PPP2R3B: variants seen among roughly 807,000 people sequenced by gnomAD.
PPP2R3B encodes the protein protein phosphatase 2 regulatory subunit B''beta.
Under a neutral mutation model 72.9 loss-of-function variants are expected in PPP2R3B, and 68 were observed. The observed-to-expected ratio is 0.93, with a 90% CI of 0.77 to 1.14. The LOEUF (loss-of-function observed/expected upper bound fraction) is 1.14. PPP2R3B is among the 50% of genes most tolerant of loss of function. The pLI is 0.00. For synonymous variants in PPP2R3B, 466 were observed against 375.8 expected (o/e 1.24, Z -2.78); for missense variants, 1,018 against 842.0 (o/e 1.21, Z -2.59).
rs2072260825 is a variant in PPP2R3B at position 386,638 on chromosome X, C to T, written c.54G>A (p.Leu18=). 2 of 1,430,392 alleles carry T rather than the reference C, an allele frequency of 1.4e-6. No homozygotes were observed. The highest frequency in any genetic ancestry group is 1.8e-6 in the Non-Finnish European group (2 of 1,092,174). 88.6% of individuals were successfully genotyped at this position (1,430,392 alleles called of 1,614,324 possible). Residue 18 remains leucine, a synonymous_variant, in exon 1 of 13, where the codon CTG becomes CTA. Coordinates refer to ENST00000390665, the MANE Select transcript of PPP2R3B (RefSeq NM_013239.5). ...TGGCCTCGCTGAGCCAGTACAGGAA[C>T]AGCTCGTCCACCTTCATCTTCAGGA... ...QPVLKMKVDE[L]FLYWLSEAST...
At position 340,882 on chromosome X, in the gene PPP2R3B, C is replaced by T. The variant is rs779308033; in HGVS notation, c.1234G>A (p.Glu412Lys). The change falls in exon 10 of 13, where the codon GAG becomes AAG. Residue 412 changes from glutamate (E) to lysine (K), a missense_variant. Physicochemically the swap from Glu to Lys is moderately conservative, Grantham distance 56. Coordinates refer to ENST00000390665, the MANE Select transcript of PPP2R3B (RefSeq NM_013239.5). ...LDGDGALSMF[E>K]LEYFYEEQCR... ...TGCTCCTCGTAGAAGTACTCGAGCT[C>T]GAACATGGACAGGGCGCCGTCCCCG... 11 of 1,611,958 alleles carry T rather than the reference C, an allele frequency of 6.8e-6. No homozygotes were observed. Among genetic ancestry groups the T allele is most frequent in the African/African-American group, 2.7e-5 (2 of 74,892 alleles).
At chrX:386,245 A>C in intron 1 of PPP2R3B, 123 bp downstream of exon 1, 1 of 718,952 alleles carries the variant, frequency 1.4e-6, no homozygotes, top group Non-Finnish European at 1.9e-6. Flanking sequence ...GGCGGGGAAC[A>C]GACTCAATAT....
At chrX:376,344 G>A (rs1180562385) in intron 1 of PPP2R3B, among the ~76,000 whole-genome samples, 3 of 152,188 alleles carry the variant, frequency 2.0e-5, no homozygotes, top group Non-Finnish European at 2.9e-5. Flanking sequence ...GTCCTGTCCC[G>A]ATGCAGAACC....
At chrX:341,758 C>T in intron 8 of PPP2R3B, 125 bp downstream of exon 8, 1 of 1,070,740 alleles carries the variant, frequency 9.3e-7, no homozygotes, top group Non-Finnish European at 1.5e-6. Flanking sequence ...CCCCCCTCGC[C>T]AGGGCCTGGG....
intron 1 of PPP2R3B, among the ~76,000 whole-genome samples, chrX:367,029 A>AAAC (rs1427080769): frequency 1.3e-5 from 2 of 149,590 alleles, no homozygotes; most frequent in African/African-American, 4.9e-5. Context: ...CTCTGTCTCA[A>AAAC]AAAAAAAAAA....
chrX:348,206 T>C (rs1569389318), intron 2 of PPP2R3B, among the ~76,000 whole-genome samples: 2 of 152,078 alleles, frequency 1.3e-5, no homozygotes, highest in Non-Finnish European at 2.9e-5. Context: ...ATGGCAGAGA[T>C]GGAACGCAAA....
At chrX:372,554 G>T (rs780873737) in intron 1 of PPP2R3B, among the ~76,000 whole-genome samples, 1 of 152,180 alleles carries the variant, frequency 6.6e-6, no homozygotes, top group African/African-American at 2.4e-5. Context: ...ATTGTCACAG[G>T]AAGACTCTTA....
At chrX:367,693 G>A (rs1218628870) in intron 1 of PPP2R3B, among the ~76,000 whole-genome samples, 14 of 152,222 alleles carry the variant, frequency 9.2e-5, no homozygotes, top group South Asian at 4.1e-4. Flanking sequence ...TCCATCACAC[G>A]GATGAGCAGG....
chrX:386,542 C>A lies in PPP2R3B; in HGVS notation c.150G>T (p.Gly50=). 1.4e-6 allele frequency: 2 copies of A among 1,431,780 alleles called. No homozygotes were observed. The highest frequency in any genetic ancestry group is 1.4e-5 in the South Asian group (1 of 73,912). 88.7% of individuals were successfully genotyped at this position (1,431,780 alleles called of 1,614,324 possible). A position where few individuals can be genotyped will look rare whatever the true frequency, so the allele number is the denominator to read the frequency against. Reference sequence around the variant, plus strand: ...GCCAGGCCCCGGGCTGCTCCCCGTCCCCCGGGGTCGGCTGGTCCCGCCCGG... The same window carrying A: ...GCCAGGCCCCGGGCTGCTCCCCGTCACCCGGGGTCGGCTGGTCCCGCCCGG... ...KAPGRDQPTP[G]DGEQPGAWPT... The change falls in exon 1 of 13, where the codon GGG becomes GGT. Residue 50 remains glycine (G), a synonymous_variant. Transcript: ENST00000390665.
intron 7 of PPP2R3B, chrX:344,982 G>A (rs1263044010): frequency 1.1e-5 from 4 of 356,722 alleles, no homozygotes; most frequent in Non-Finnish European, 2.2e-5. Context: ...ACAGGCCACA[G>A]GCCGCTTTGA....
intron 1 of PPP2R3B, chrX:374,123 G>A (rs1451173458): frequency 6.6e-6 from 1 of 150,778 alleles, no homozygotes; most frequent in Non-Finnish European, 1.5e-5. Context: ...AGGTCCCCGA[G>A]AGGAGAGCCT....
chrX:381,895 G>A (rs1186136857), intron 1 of PPP2R3B, among the ~76,000 whole-genome samples: 2 of 152,146 alleles, frequency 1.3e-5, no homozygotes, highest in African/African-American at 4.8e-5. Context: ...ACCGTGCCCA[G>A]CCCAAGCTCA....
Position 386,438 on chromosome X carries a change from AG to A in PPP2R3B, c.253del (p.Leu85TrpfsTer24). On this transcript the variant is annotated frameshift_variant, in exon 1 of 13. Coordinates refer to ENST00000390665, the MANE Select transcript of PPP2R3B (RefSeq NM_013239.5). LOFTEE classifies it high-confidence loss of function. ...GTTCCTGGGGCTGGAGGCGGCGCCC[AG>A]GGGCAGCGCAGGGCCCGGCCCGGGG... The part of the protein sequence containing the change: ...GTPGPGPALP[L>X]GAASSPRNAP... 7.6e-7 allele frequency: 1 copy of A among 1,316,878 alleles called. No homozygotes were observed. Among genetic ancestry groups the A allele is most frequent in the South Asian group, 3.1e-5 (1 of 31,862 alleles). 81.6% of individuals were successfully genotyped at this position (1,316,878 alleles called of 1,614,324 possible).
Position 341,001 on chromosome X carries a change from C to T in PPP2R3B, c.1176-61G>A. 3.2e-6 allele frequency: 5 copies of T among 1,584,086 alleles called. No individual in the cohort carries two copies. In the Admixed American group the frequency reaches 6.8e-5, roughly 22 times the overall value. On this transcript the variant is annotated intron_variant, in intron 9 of 12. Transcript: ENST00000390665. ...GGCCCTCCCAGCCCGTGACCTGCAG[C>T]CCCTGAGGCAGCCCCCACCGGGGGT...
intron 2 of PPP2R3B, among the ~76,000 whole-genome samples, chrX:359,086 C>G (rs1280616196): frequency 6.6e-6 from 1 of 152,168 alleles, no homozygotes; most frequent in African/African-American, 2.4e-5. Flanking sequence ...GGACCCGAAG[C>G]GGACGCAGCG....
chrX:370,495 G>A (rs2071835597), intron 1 of PPP2R3B, among the ~76,000 whole-genome samples: 1 of 152,194 alleles, frequency 6.6e-6, no homozygotes, highest in Non-Finnish European at 1.5e-5. Context: ...GCCAAGGGGT[G>A]ACGGTGGATG....
At chrX:371,961 G>C (rs2124349230) in intron 1 of PPP2R3B, among the ~76,000 whole-genome samples, 1 of 152,258 alleles carries the variant, frequency 6.6e-6, no homozygotes, top group South Asian at 2.1e-4. Context: ...CGGAATTCAT[G>C]ATTTCCCAGA....
intron 2 of PPP2R3B, among the ~76,000 whole-genome samples, chrX:348,269 TC>T (rs1431974878): frequency 7.5e-6 from 1 of 133,414 alleles, no homozygotes; most frequent in African/African-American, 2.9e-5. Context: ...TTGAAAGATT[TC>T]TTAAAAATTA....
In PPP2R3B at chrX:338,698, CGCT is replaced by C; in HGVS notation, c.1480_1482del (p.Ser494del). 6.2e-7 allele frequency: 1 copy of C among 1,611,812 alleles called. No individual in the cohort carries two copies. The highest frequency in any genetic ancestry group is 8.5e-7 in the Non-Finnish European group (1 of 1,179,670). ...TCCCAGTCCGAGAGCTCGGGGCCGC[CGCT>C]GTCACCGTCCTGGAGGAAGCACACG... On this transcript the variant is annotated inframe_deletion, in exon 12 of 13. Transcript: ENST00000390665.
Sources: gnomAD v4.1 joint callset for allele counts (sites outside exome capture counted in the v4.1 genomes callset) on GRCh38, gnomAD v4.1.1 for gene constraint, MANE v1.5 for transcripts, NCBI Gene and HGNC (gene_info 2026-07-23, HGNC 2026-07-21) for gene names.